Variants in OSBP observed in about 807,000 individuals in gnomAD.
OSBP encodes oxysterol binding protein, also known as oxysterol-binding protein 1.
A neutral mutation model predicts 96.6 loss-of-function variants in OSBP; 32 were observed. The ratio of observed to expected loss-of-function variants is 0.33; its 90% confidence interval spans 0.25 to 0.45. OSBP has a LOEUF of 0.45. OSBP is among the 20% of genes least tolerant of loss of function. The pLI is 1.00. For missense variants in OSBP, 653 were observed against 1,029.7 expected, an observed-to-expected ratio of 0.63 and a Z score of 5.01; for synonymous variants, 369 against 389.6, an observed-to-expected ratio of 0.95 and a Z score of 0.62.
chr11:59,602,705 A>C (rs1860737578), intron 3 of OSBP, among the ~76,000 whole-genome samples: 1 of 152,142 alleles, frequency 6.6e-6, no homozygotes, highest in Admixed American at 6.6e-5. Context: ...CTGCAGCCTC[A>C]ACCTCGTCGG....
At chr11:59,614,499 CATAA>C (rs1371549812) in intron 1 of OSBP, among the ~76,000 whole-genome samples, 1 of 152,172 alleles carries the variant, frequency 6.6e-6, no homozygotes, top group Non-Finnish European at 1.5e-5. Flanking sequence ...TATGAGTCAC[CATAA>C]ATATATATTA....
At chr11:59,608,392 C>T in intron 3 of OSBP, 92 bp downstream of exon 3, 3 of 1,496,058 alleles carry the variant, frequency 2.0e-6, no homozygotes, top group Non-Finnish European at 1.9e-6. Context: ...ATGTTCTGTG[C>T]TTTATCAATT....
intron 10 of OSBP, among the ~76,000 whole-genome samples, chr11:59,580,828 T>C (rs981145929): frequency 1.3e-5 from 2 of 152,200 alleles, no homozygotes; most frequent in Admixed American, 1.3e-4. Context: ...CCATTTTCCC[T>C]TCCTTTCTAT....
intron 7 of OSBP, among the ~76,000 whole-genome samples, chr11:59,595,692 C>G (rs989066442): frequency 6.6e-6 from 1 of 151,960 alleles, no homozygotes; most frequent in African/African-American, 2.4e-5. Context: ...ACAATCCTAG[C>G]ACTTTGAGAG....
At chr11:59,610,798 ATT>A (rs61595958) in intron 1 of OSBP, among the ~76,000 whole-genome samples, 86 of 126,956 alleles carry the variant, frequency 6.8e-4, no homozygotes, top group Admixed American at 1.0e-3. Flanking sequence ...TCTGAGTCAG[ATT>A]TTTTTTTTTT....
intron 9 of OSBP, among the ~76,000 whole-genome samples, chr11:59,583,204 C>T (rs182137538): frequency 6.6e-6 from 1 of 151,914 alleles, no homozygotes; most frequent in Non-Finnish European, 1.5e-5. Context: ...CCCAGCTACT[C>T]GGGAGGCTGA....
At chr11:59,608,447 T>C in intron 3 of OSBP, 37 bp downstream of exon 3, 1 of 1,613,458 alleles carries the variant, frequency 6.2e-7, no homozygotes, top group Non-Finnish European at 8.5e-7. Flanking sequence ...AAAGAGGGAA[T>C]GAATCAAAAA....
chr11:59,595,776 TA>T (rs373864744), intron 7 of OSBP, among the ~76,000 whole-genome samples: 5,274 of 144,530 alleles, frequency 0.036, 131 homozygotes, highest in Non-Finnish European at 0.044. Flanking sequence ...ACCATCTCTA[TA>T]AAAAAAAAAC....
chr11:59,596,427 C>T (rs899708661), intron 7 of OSBP, among the ~76,000 whole-genome samples: 1 of 152,174 alleles, frequency 6.6e-6, no homozygotes, highest in African/African-American at 2.4e-5. Flanking sequence ...TTTTCACACA[C>T]ACACAGCCTT....
chr11:59,610,440 C>A lies in OSBP; in HGVS notation c.512G>T (p.Arg171Leu), dbSNP rs1173270765. ...LKASSEVERQ[R>L]WVTALELAKA... ...GGCCAGTTCCAGGGCCGTCACCCAG[C>A]GCTGCCGCTCAACTTCTGAACTAGC... The change falls in exon 2 of 14, where the codon CGC becomes CTC. Residue 171 changes from arginine to leucine, a missense_variant. By Grantham distance (102) the Arg-to-Leu change is moderately radical. Coordinates refer to ENST00000263847, the MANE Select transcript of OSBP (RefSeq NM_002556.3). 1 of 1,614,004 alleles carries A rather than the reference C, an allele frequency of 6.2e-7. No homozygotes were observed. Among genetic ancestry groups the A allele is most frequent in the Non-Finnish European group, 8.5e-7 (1 of 1,180,030 alleles).
intron 9 of OSBP, among the ~76,000 whole-genome samples, chr11:59,583,019 C>T (rs1051758320): frequency 1.3e-5 from 2 of 152,012 alleles, no homozygotes; most frequent in East Asian, 1.9e-4. Context: ...GTTAATAATA[C>T]TCAATTCCAG....
rs192902881 is a variant in OSBP, at chr11:59,614,897, C to G, written c.362+406G>C. 9.2e-5 allele frequency among the ~76,000 whole-genome samples: 14 copies of G among 152,368 alleles called. No homozygotes were observed. In the South Asian group the frequency reaches 1.4e-3, roughly 16 times the overall value. On this transcript the variant is annotated intron_variant, in intron 1 of 13. Coordinates refer to ENST00000263847, the MANE Select transcript of OSBP (RefSeq NM_002556.3). ...TGACAGCTACAACTTGGGACTTCCA[C>G]TGTAAGTTCCTTGGGAGGAGTGCCT...
rs1320739867 is a variant in OSBP, at chr11:59,575,754, T to C, written c.*823A>G. ...CAATGAAGGATGGCATTAAGGGGGGTTGGGAAAGCAAAAGTGGCTAGTAGT... is the reference window on the plus strand; with the variant it reads ...CAATGAAGGATGGCATTAAGGGGGGCTGGGAAAGCAAAAGTGGCTAGTAGT... On this transcript the variant is annotated 3_prime_UTR_variant, in exon 14 of 14. Transcript: ENST00000263847. 4 of 151,674 alleles carry C rather than the reference T, an allele frequency of 2.6e-5. No individual in the cohort carries two copies. The highest frequency in any genetic ancestry group is 2.4e-5 in the African/African-American group (1 of 41,218). 9.4% of individuals were successfully genotyped at this position (151,674 alleles called of 1,614,324 possible).
Position 59,593,698 on chromosome 11 carries a change from C to T in OSBP, c.1584G>A (p.Ala528=), listed in dbSNP as rs750582286. The T allele has an allele frequency of 1.1e-5, 18 of 1,613,880 alleles. No individual in the cohort carries two copies. The highest frequency in any genetic ancestry group is 5.0e-5 in the Admixed American group (3 of 59,984). ...AGCCATTTTTGGACTCAGCATGGTG[C>T]GCAGCAGCAGGGGGATGATGACTCA... ...EQVSHHPPAA[A]HHAESKNGWT... is the part of the protein sequence containing the mutation. The change falls in exon 9 of 14, where the codon GCG becomes GCA. Residue 528 remains alanine, a synonymous_variant. Transcript: ENST00000263847.
chr11:59,580,542 A>G (rs143007466), intron 10 of OSBP, among the ~76,000 whole-genome samples: 8 of 152,324 alleles, frequency 5.3e-5, no homozygotes, highest in Non-Finnish European at 1.2e-4. Flanking sequence ...AGTACACATG[A>G]TAATTTACCT....
At chr11:59,597,068 CTTTTTT>C (rs1565118218) in intron 7 of OSBP, among the ~76,000 whole-genome samples, 1 of 151,744 alleles carries the variant, frequency 6.6e-6, no homozygotes, top group African/African-American at 2.4e-5. Context: ...CTATTTCTTT[CTTTTTT>C]TTGAGATGGA....
At chr11:59,585,036 A>G (rs1033848607) in intron 9 of OSBP, among the ~76,000 whole-genome samples, 4 of 152,110 alleles carry the variant, frequency 2.6e-5, no homozygotes, top group East Asian at 1.9e-4. Flanking sequence ...TGCCGAGATT[A>G]CAGCCTCTGC....
At chr11:59,585,341 G>A (rs1174164138) in intron 9 of OSBP, among the ~76,000 whole-genome samples, 3 of 147,182 alleles carry the variant, frequency 2.0e-5, no homozygotes, top group Non-Finnish European at 4.5e-5. Flanking sequence ...CCGTCTGGGA[G>A]GTGAGGAGCG....
At chr11:59,609,882 G>C (rs752401638) in intron 2 of OSBP, among the ~76,000 whole-genome samples, 83 of 152,170 alleles carry the variant, frequency 5.5e-4, no homozygotes, top group Non-Finnish European at 8.4e-4. Context: ...AAAGAGTTAA[G>C]TAAGAAGGTA....
Sources: allele counts gnomAD v4.1 joint callset (sites outside exome capture counted in the v4.1 genomes callset), GRCh38; gene constraint gnomAD v4.1.1; transcripts MANE v1.5; gene names NCBI Gene and HGNC (gene_info 2026-07-23, HGNC 2026-07-21).